Variants in PAK1 observed in about 807,000 individuals in gnomAD.
PAK1 encodes p21 (RAC1) activated kinase 1.
Under a neutral mutation model 67.4 loss-of-function variants are expected in PAK1, and 29 were observed. The observed-to-expected ratio is 0.43, with a 90% CI of 0.32 to 0.59. The LOEUF (loss-of-function observed/expected upper bound fraction) is 0.59. PAK1 is among the 20% of genes least tolerant of loss of function. The pLI is 0.07. For synonymous variants in PAK1, 223 were observed against 237.4 expected (o/e 0.94, Z 0.56); for missense variants, 337 against 670.7 (o/e 0.50, Z 5.50).
At chr11:77,402,236 C>A (rs1027068721) in intron 1 of PAK1, among the ~76,000 whole-genome samples, 15 of 152,088 alleles carry the variant, frequency 9.9e-5, no homozygotes, top group Non-Finnish European at 2.1e-4. Context: ...AGGCTTCCTA[C>A]AATTAGAGAA....
chr11:77,347,729 A>T (rs1944643237), intron 9 of PAK1, among the ~76,000 whole-genome samples: 1 of 152,246 alleles, frequency 6.6e-6, no homozygotes, highest in African/African-American at 2.4e-5. Flanking sequence ...GGTGTGGCAT[A>T]AAGCAAATGC....
At chr11:77,336,054 A>T (rs1942643339) in intron 13 of PAK1, 32 bp downstream of exon 13, 2 of 1,426,554 alleles carry the variant, frequency 1.4e-6, no homozygotes, top group East Asian at 2.3e-5. Context: ...ACAACAGCCC[A>T]AATAACTTGA....
chr11:77,496,390 G>A, the PAK1 span, among the ~76,000 whole-genome samples: 1 of 152,076 alleles, frequency 6.6e-6, no homozygotes, highest in South Asian at 2.1e-4. Flanking sequence ...TTTGGGAGGC[G>A]AGGTAAGCAG....
intron 14 of PAK1, among the ~76,000 whole-genome samples, chr11:77,330,467 C>T (rs1455193088): frequency 6.6e-6 from 1 of 152,152 alleles, no homozygotes; most frequent in Non-Finnish European, 1.5e-5. Flanking sequence ...ACAGAGCCCT[C>T]AGAAATAACG....
At chr11:77,330,613 A>G (rs927687232) in intron 14 of PAK1, among the ~76,000 whole-genome samples, 1 of 152,236 alleles carries the variant, frequency 6.6e-6, no homozygotes, top group Non-Finnish European at 1.5e-5. Flanking sequence ...TCCCTTCCTT[A>G]CACCTTATAC....
chr11:77,452,821 G>T (rs552021978), intron 1 of PAK1, among the ~76,000 whole-genome samples: 13 of 152,226 alleles, frequency 8.5e-5, no homozygotes, highest in African/African-American at 2.6e-4. Flanking sequence ...GTGTGTTCAT[G>T]GTAGGGCCCT....
At chr11:77,442,470 T>C (rs920900273) in intron 1 of PAK1, among the ~76,000 whole-genome samples, 7 of 152,176 alleles carry the variant, frequency 4.6e-5, no homozygotes, top group Non-Finnish European at 1.0e-4. Context: ...GGCAAAGAAC[T>C]GAAGCTTTTA....
intron 1 of PAK1, among the ~76,000 whole-genome samples, chr11:77,462,701 T>C (rs1957406658): frequency 1.3e-5 from 2 of 151,118 alleles, no homozygotes; most frequent in Admixed American, 1.3e-4. Context: ...GCATGGTGCC[T>C]TGCACCTATA....
At chr11:77,527,715 G>A in the PAK1 span, among the ~76,000 whole-genome samples, 1 of 152,084 alleles carries the variant, frequency 6.6e-6, no homozygotes, top group Non-Finnish European at 1.5e-5. Context: ...TGAATGTTAG[G>A]TTTATTTTTA....
chr11:77,410,493 C>T (rs1954338030), intron 1 of PAK1, among the ~76,000 whole-genome samples: 1 of 152,036 alleles, frequency 6.6e-6, no homozygotes, highest in Admixed American at 6.6e-5. Flanking sequence ...ACCTCATAAA[C>T]ACAGGAAAAG....
intron 1 of PAK1, among the ~76,000 whole-genome samples, chr11:77,414,811 G>A (rs1365812177): frequency 1.3e-5 from 2 of 151,830 alleles, no homozygotes; most frequent in African/African-American, 4.9e-5. Context: ...TAATGTAGGG[G>A]AAAATCTAGA....
At chr11:77,330,017 G>A (rs932927798) in intron 14 of PAK1, among the ~76,000 whole-genome samples, 2 of 151,940 alleles carry the variant, frequency 1.3e-5, no homozygotes, top group African/African-American at 4.8e-5. Flanking sequence ...CAAATCATGA[G>A]TGAACTCCCA....
chr11:77,497,371 T>C, the PAK1 span, among the ~76,000 whole-genome samples: 134 of 152,356 alleles, frequency 8.8e-4, 1 homozygote, highest in Middle Eastern at 0.014. Flanking sequence ...CACTTTCTTC[T>C]TCTCACTTGA....
chr11:77,349,784 T>C (rs893983412), intron 8 of PAK1, among the ~76,000 whole-genome samples: 3 of 151,814 alleles, frequency 2.0e-5, no homozygotes, highest in Non-Finnish European at 4.4e-5. Context: ...GGGATAAGAT[T>C]AGATCTATGA....
chr11:77,478,322 G>T (rs1304198858), upstream of PAK1, among the ~76,000 whole-genome samples: 1 of 152,002 alleles, frequency 6.6e-6, no homozygotes, highest in Non-Finnish European at 1.5e-5. Context: ...TACCATTCAG[G>T]ATCCTTTTGA....
intron 1 of PAK1, among the ~76,000 whole-genome samples, chr11:77,426,111 G>A (rs1955534309): frequency 1.5e-5 from 2 of 136,866 alleles, no homozygotes; most frequent in South Asian, 2.3e-4. Flanking sequence ...TACACCACAC[G>A]GCCCTCTCCT....
intron 2 of PAK1, among the ~76,000 whole-genome samples, chr11:77,381,674 C>A (rs183357050): frequency 6.6e-6 from 1 of 152,262 alleles, no homozygotes; most frequent in East Asian, 1.9e-4. Context: ...ATATTACTAC[C>A]GTCATTCTTA....
At chr11:77,386,270 C>G (rs535671543) in intron 2 of PAK1, among the ~76,000 whole-genome samples, 132 of 152,312 alleles carry the variant, frequency 8.7e-4, no homozygotes, top group African/African-American at 3.1e-3. Context: ...CTGAGCTAAT[C>G]TGAGCTCAAG....
At chr11:77,528,291 A>G in the PAK1 span, among the ~76,000 whole-genome samples, 3 of 151,948 alleles carry the variant, frequency 2.0e-5, no homozygotes, top group African/African-American at 7.3e-5. Flanking sequence ...CTAATATCCA[A>G]TCCACGTAAT....
Sources: gnomAD v4.1 joint callset for allele counts (sites outside exome capture counted in the v4.1 genomes callset) on GRCh38, gnomAD v4.1.1 for gene constraint, MANE v1.5 for transcripts, NCBI Gene and HGNC (gene_info 2026-07-23, HGNC 2026-07-21) for gene names.